Variants in FRMD4B observed in about 807,000 individuals in gnomAD.
The protein encoded by FRMD4B is FERM domain containing 4B, also known as FERM domain-containing protein 4B.
A neutral mutation model predicts 141.5 loss-of-function variants in FRMD4B; 74 were observed. That is an observed-to-expected ratio of 0.52 (90% CI 0.43 to 0.63). FRMD4B has a LOEUF of 0.63. FRMD4B is among the 30% of genes least tolerant of loss of function. The pLI, the probability that FRMD4B is intolerant of heterozygous loss-of-function variation, is 0.00. For synonymous variants in FRMD4B, 506 were observed against 467.9 expected, an observed-to-expected ratio of 1.08 and a Z score of -1.05; for missense variants, 1,366 against 1,253.4, an observed-to-expected ratio of 1.09 and a Z score of -1.36.
intron 1 of FRMD4B, among the ~76,000 whole-genome samples, chr3:69,363,565 A>G (rs1162695314): frequency 2.0e-5 from 3 of 151,290 alleles, no homozygotes; most frequent in Admixed American, 2.0e-4. Flanking sequence ...AATTTTTTGT[A>G]TTTTTAGTAG....
At chr3:69,413,828 G>A (rs62251445) in intron 2 of FRMD4B, among the ~76,000 whole-genome samples, 43,594 of 151,882 alleles carry the variant, frequency 0.29, 6,568 homozygotes, top group East Asian at 0.44. Flanking sequence ...AGAGAAGTGC[G>A]GGCAAGAAGA....
Position 69,170,638 on chromosome 3 carries a change from A to T in FRMD4B, c.*1223T>A, listed in dbSNP as rs1332678773. ...CCTTTTATGTAATTTTGAAGCAAAGATGACAAAAAAGATCAATCTGGAATA... is the reference window on the plus strand; with the variant it reads ...CCTTTTATGTAATTTTGAAGCAAAGTTGACAAAAAAGATCAATCTGGAATA... On this transcript the variant is annotated 3_prime_UTR_variant, in exon 23 of 23. Coordinates refer to ENST00000398540, the MANE Select transcript of FRMD4B (RefSeq NM_015123.3). The T allele has an allele frequency of 6.6e-6, 1 of 152,180 alleles. No individual in the cohort carries two copies. The highest frequency in any genetic ancestry group is 2.4e-5 in the African/African-American group (1 of 41,452). 9.4% of individuals were successfully genotyped at this position (152,180 alleles called of 1,614,324 possible). A position where few individuals can be genotyped will look rare whatever the true frequency, so the allele number is the denominator to read the frequency against.
chr3:69,229,656 A>G (rs914210684), intron 7 of FRMD4B, among the ~76,000 whole-genome samples: 18 of 152,224 alleles, frequency 1.2e-4, no homozygotes, highest in African/African-American at 4.3e-4. Context: ...CAAATGGCCA[A>G]CAGAAAAAAG....
At chr3:69,472,005 T>A (rs867191925) in intron 1 of FRMD4B, 95 of 150,568 alleles carry the variant, frequency 6.3e-4, no homozygotes, top group Middle Eastern at 1.1e-3. Context: ...TTTTTTTTTT[T>A]ATAAAAGAGA....
chr3:69,188,775 A>ACAAAAAAAAAAAAAC (rs796139191), intron 18 of FRMD4B, among the ~76,000 whole-genome samples: 1 of 148,108 alleles, frequency 6.8e-6, no homozygotes, highest in African/African-American at 2.5e-5. Flanking sequence ...AAAAAAAAAA[A>ACAAAAAAAAAAAAAC]AAAAAAAAAC....
intron 1 of FRMD4B, among the ~76,000 whole-genome samples, chr3:69,375,909 A>G (rs2106655138): frequency 6.6e-6 from 1 of 152,348 alleles, no homozygotes; most frequent in South Asian, 2.1e-4. Flanking sequence ...CAAAGAGACA[A>G]GTACAAAAAT....
intron 19 of FRMD4B, among the ~76,000 whole-genome samples, chr3:69,184,145 C>T (rs62255542): frequency 1.3e-5 from 2 of 152,056 alleles, no homozygotes; most frequent in South Asian, 2.1e-4. Context: ...CTCCTGACGT[C>T]AAGTAATCTG....
chr3:69,389,606 CT>C (rs1559843274), upstream of FRMD4B, among the ~76,000 whole-genome samples: 1 of 152,138 alleles, frequency 6.6e-6, no homozygotes, highest in African/African-American at 2.4e-5. Flanking sequence ...AACACTGATG[CT>C]TTTTTTCTTA....
intron 7 of FRMD4B, among the ~76,000 whole-genome samples, chr3:69,243,861 C>T (rs6774162): frequency 0.74 from 111,684 of 151,878 alleles, 41,778 homozygotes; most frequent in South Asian, 0.9. Flanking sequence ...GCCTGGCCAA[C>T]GTGGTGAAAC....
chr3:69,361,905 G>C (rs1703481049), intron 1 of FRMD4B, among the ~76,000 whole-genome samples: 1 of 152,162 alleles, frequency 6.6e-6, no homozygotes, highest in Non-Finnish European at 1.5e-5. Context: ...CAGATCATAG[G>C]ATGAATGTAC....
intron 4 of FRMD4B, among the ~76,000 whole-genome samples, chr3:69,297,001 G>T (rs1354054123): frequency 6.6e-6 from 1 of 152,130 alleles, no homozygotes; most frequent in Non-Finnish European, 1.5e-5. Context: ...TACAAAGAGT[G>T]TTATCATATT....
intron 5 of FRMD4B, 106 bp from the exon 6 acceptor site, chr3:69,250,205 G>A (rs1575657608): frequency 3.7e-6 from 3 of 809,142 alleles, no homozygotes; most frequent in East Asian, 4.9e-5. Flanking sequence ...TCCAGTTTAC[G>A]ATCAAATGCA....
intron 1 of FRMD4B, among the ~76,000 whole-genome samples, chr3:69,454,987 A>G (rs988076230): frequency 6.6e-6 from 1 of 152,238 alleles, no homozygotes; most frequent in African/African-American, 2.4e-5. Context: ...TCGTGGGTAC[A>G]ACACTCAGCA....
intron 1 of FRMD4B, among the ~76,000 whole-genome samples, chr3:69,380,902 GT>G (rs1390695864): frequency 5.3e-5 from 8 of 152,186 alleles, no homozygotes; most frequent in Admixed American, 2.6e-4. Context: ...AGCAAAGGGT[GT>G]TGATTATTTT....
At chr3:69,288,270 G>A (rs1474877676) in intron 4 of FRMD4B, among the ~76,000 whole-genome samples, 2 of 152,242 alleles carry the variant, frequency 1.3e-5, no homozygotes, top group African/African-American at 4.8e-5. Context: ...AGGCTCGGGG[G>A]TTTTTAGACG....
At chr3:69,508,088 C>G (rs148982034) in intron 1 of FRMD4B, among the ~76,000 whole-genome samples, 7 of 152,250 alleles carry the variant, frequency 4.6e-5, no homozygotes, top group Non-Finnish European at 8.8e-5. Context: ...CTATCTTGTA[C>G]TGCATTTAGT....
chr3:69,224,551 G>A (rs1173265256), intron 8 of FRMD4B, 56 bp downstream of exon 8: 3 of 789,048 alleles, frequency 3.8e-6, no homozygotes, highest in Admixed American at 4.1e-5. Flanking sequence ...TGAAAAGCAT[G>A]TAGTTCTGAA....
In FRMD4B at chr3:69,385,938, G is replaced by A; in HGVS notation, c.52C>T (p.Arg18Cys). ...GVEDLLFSGS[R>C]FVWNLTVSTL... is the part of the protein sequence containing the mutation. ...GACACGGTCAAGTTCCATACGAAGC[G>A]GCTGCCGCTGAACAGCAGGTCCTCC... The change falls in exon 1 of 23, where the codon CGC becomes TGC. Residue 18 changes from arginine to cysteine, a missense_variant. Transcript: ENST00000398540. The A allele has an allele frequency of 6.2e-7, 1 of 1,604,742 alleles. No homozygotes were observed. Among genetic ancestry groups the A allele is most frequent in the Middle Eastern group, 1.7e-4 (1 of 6,044 alleles).
rs926331601 is a variant in FRMD4B, at chr3:69,534,091, T to A, written c.-129+8115A>T. ...CCGTACCAGATCTACTGAATCAGAA[T>A]CTGATCCCCAAGTGGTTTGTGTGCA... On this transcript the variant is annotated intron_variant, in intron 1 of 5. Transcript: ENST00000459638. Among the ~76,000 whole-genome samples the A allele has an allele frequency of 4.9e-4, 74 of 152,220 alleles. 1 individual carries two copies. The highest frequency in any genetic ancestry group is 1.8e-3 in the African/African-American group (73 of 41,464).
Sources: gnomAD v4.1 joint callset for allele counts (sites outside exome capture counted in the v4.1 genomes callset) on GRCh38, gnomAD v4.1.1 for gene constraint, MANE v1.5 for transcripts, NCBI Gene and HGNC (gene_info 2026-07-23, HGNC 2026-07-21) for gene names.